PCDH15: variants seen among roughly 807,000 people sequenced by gnomAD.
PCDH15 encodes the protein protocadherin-15.
A neutral mutation model predicts 178.5 loss-of-function variants in PCDH15; 129 were observed. The ratio of observed to expected loss-of-function variants is 0.72; its 90% CI spans 0.63 to 0.84. The LOEUF (loss-of-function observed/expected upper bound fraction) is 0.84, where lower values mean the gene tolerates loss of function less well. PCDH15 is among the 40% of genes least tolerant of loss of function. The probability of loss-of-function intolerance (pLI) is 0.00; values close to 1 mark genes in which losing one functional copy is unlikely to be tolerated. For synonymous variants in PCDH15, 800 were observed against 732.0 expected (o/e 1.09, Z -1.50); for missense variants, 2,230 against 2,099.9 (o/e 1.06, Z -1.21).
chr10:54,484,881 A>G (rs1472088184), intron 3 of PCDH15, among the ~76,000 whole-genome samples: 1 of 151,854 alleles, frequency 6.6e-6, no homozygotes, highest in Non-Finnish European at 1.5e-5. Flanking sequence ...AAAACATCCC[A>G]TCAAGCACTG....
intron 3 of PCDH15, among the ~76,000 whole-genome samples, chr10:54,807,691 T>G (rs565418486): frequency 6.7e-6 from 1 of 148,154 alleles, no homozygotes; most frequent in East Asian, 1.9e-4. Context: ...TATATATTTA[T>G]AAGTATATAA....
At chr10:54,297,913 G>A (rs557558789) in intron 8 of PCDH15, among the ~76,000 whole-genome samples, 1 of 152,260 alleles carries the variant, frequency 6.6e-6, no homozygotes, top group South Asian at 2.1e-4. Flanking sequence ...TGAGAGTTTG[G>A]AGATACCTGA....
At chr10:54,925,767 T>A (rs1030465747) in intron 2 of PCDH15, among the ~76,000 whole-genome samples, 1 of 152,152 alleles carries the variant, frequency 6.6e-6, no homozygotes, top group East Asian at 1.9e-4. Context: ...TGTATAGACA[T>A]GTTAGTGATT....
intron 28 of PCDH15, among the ~76,000 whole-genome samples, chr10:53,855,065 A>G (rs207470932): frequency 6.6e-6 from 1 of 152,046 alleles, no homozygotes; most frequent in Non-Finnish European, 1.5e-5. Context: ...AAATAAAGAA[A>G]ATGGCATCAT....
At chr10:55,098,773 A>G (rs1842504169) in intron 2 of PCDH15, among the ~76,000 whole-genome samples, 1 of 151,974 alleles carries the variant, frequency 6.6e-6, no homozygotes, top group African/African-American at 2.4e-5. Flanking sequence ...AATCTGGTAT[A>G]ATTTGCGGTG....
chr10:54,786,419 A>C lies in PCDH15; in HGVS notation c.-29+14506T>G, dbSNP rs146285360. 1.9e-4 allele frequency among the ~76,000 whole-genome samples: 29 copies of C among 152,144 alleles called. No homozygotes were observed. In the East Asian group the frequency reaches 5.6e-3, roughly 30 times the overall value. On this transcript the variant is annotated intron_variant, in intron 1 of 37. Transcript: ENST00000644397. ...TCCAAAATAACAGATAAAAACATAG[A>C]CACAATAGTCCCAAAAATATTTTCA... is the stretch of plus-strand genomic sequence containing the variant.
At chr10:55,567,035 T>C (rs1349591901) in intron 2 of PCDH15, among the ~76,000 whole-genome samples, 4 of 151,876 alleles carry the variant, frequency 2.6e-5, no homozygotes, top group African/African-American at 4.8e-5. Flanking sequence ...AAACTTACTA[T>C]AAAGCTACAG....
intron 17 of PCDH15, among the ~76,000 whole-genome samples, chr10:54,067,630 A>C (rs1488840600): frequency 6.6e-6 from 1 of 152,210 alleles, no homozygotes; most frequent in Non-Finnish European, 1.5e-5. Context: ...TGAGTACAGC[A>C]CAGAACCTCT....
intron 1 of PCDH15, among the ~76,000 whole-genome samples, chr10:54,674,277 G>T (rs983084250): frequency 6.6e-6 from 1 of 152,064 alleles, no homozygotes; most frequent in East Asian, 1.9e-4. Flanking sequence ...AATGCTAATG[G>T]TGAATATTTT....
chr10:55,218,761 T>A (rs965118112), intron 1 of PCDH15, among the ~76,000 whole-genome samples: 1 of 152,034 alleles, frequency 6.6e-6, no homozygotes, highest in African/African-American at 2.4e-5. Context: ...TCTCTGAAAA[T>A]GGAGCTATCT....
At chr10:54,598,455 G>T (rs910607058) in intron 2 of PCDH15, among the ~76,000 whole-genome samples, 1 of 151,976 alleles carries the variant, frequency 6.6e-6, no homozygotes, top group African/African-American at 2.4e-5. Context: ...TACAAATTAG[G>T]TATTGAAGGA....
intron 1 of PCDH15, among the ~76,000 whole-genome samples, chr10:54,671,600 A>G (rs12763089): frequency 0.051 from 7,692 of 152,294 alleles, 235 homozygotes; most frequent in East Asian, 0.076. Context: ...TAATTGACAG[A>G]TGAAAATTTG....
intron 2 of PCDH15, among the ~76,000 whole-genome samples, chr10:54,656,329 C>A (rs927446809): frequency 2.0e-5 from 3 of 152,004 alleles, no homozygotes; most frequent in African/African-American, 7.3e-5. Flanking sequence ...AACTTAGAGA[C>A]CCCAAAAAAG....
chr10:55,379,600 G>C (rs1225987762), intron 2 of PCDH15, among the ~76,000 whole-genome samples: 1 of 151,770 alleles, frequency 6.6e-6, no homozygotes, highest in East Asian at 1.9e-4. Flanking sequence ...TTCACCCAAG[G>C]CTACAGCTAA....
At chr10:54,105,583 C>T (rs1485128645) in intron 15 of PCDH15, among the ~76,000 whole-genome samples, 2 of 151,892 alleles carry the variant, frequency 1.3e-5, no homozygotes, top group African/African-American at 4.8e-5. Context: ...ATTTTTCTGC[C>T]TGCTTTATTT....
At chr10:55,255,653 T>C (rs1455642645) in intron 1 of PCDH15, among the ~76,000 whole-genome samples, 1 of 152,158 alleles carries the variant, frequency 6.6e-6, no homozygotes, top group African/African-American at 2.4e-5. Flanking sequence ...TTCTAACTGG[T>C]GTGAGATGGT....
chr10:53,872,993 T>C (rs1375459165), intron 26 of PCDH15, among the ~76,000 whole-genome samples: 1 of 152,210 alleles, frequency 6.6e-6, no homozygotes. Flanking sequence ...ATTTAATGCT[T>C]CATCAGCTCT....
At chr10:54,553,382 C>G (rs1013592884) in intron 2 of PCDH15, among the ~76,000 whole-genome samples, 1 of 152,136 alleles carries the variant, frequency 6.6e-6, no homozygotes, top group Non-Finnish European at 1.5e-5. Flanking sequence ...TGGTCACTGT[C>G]AAGTTCCCAA....
chr10:55,363,617 G>A (rs1285152468), intron 2 of PCDH15, among the ~76,000 whole-genome samples: 2 of 151,916 alleles, frequency 1.3e-5, no homozygotes, highest in South Asian at 2.1e-4. Context: ...GATACGTTTC[G>A]GCTTTTCTTT....
Sources: allele counts gnomAD v4.1 joint callset (sites outside exome capture counted in the v4.1 genomes callset), GRCh38; gene constraint gnomAD v4.1.1; transcripts MANE v1.5; gene names NCBI Gene and HGNC (gene_info 2026-07-23, HGNC 2026-07-21).